The following MEMO1 variants were observed in gnomAD, a reference collection of about 807,000 sequenced individuals.
MEMO1 encodes mediator of cell motility 1.
Under a neutral mutation model 45.2 loss-of-function variants are expected in MEMO1, and 6 were observed. The ratio of observed to expected loss-of-function variants is 0.13; its 90% CI spans 0.07 to 0.26. The LOEUF (loss-of-function observed/expected upper bound fraction) is 0.26, where lower values mean the gene tolerates loss of function less well. MEMO1 is among the 10% of genes least tolerant of loss of function. MEMO1 has a pLI of 1.00. For missense variants in MEMO1, 184 were observed against 370.5 expected, an observed-to-expected ratio of 0.50 and a Z score of 4.13; for synonymous variants, 78 against 124.3, an observed-to-expected ratio of 0.63 and a Z score of 2.48.
intron 3 of MEMO1, 52 bp from the exon 4 acceptor site, chr2:31,932,187 T>C (rs1455912177): frequency 2.0e-6 from 3 of 1,514,762 alleles, no homozygotes; most frequent in African/African-American, 2.8e-5. Context: ...AATCAAGATA[T>C]TCTAGAAAGA....
chr2:31,883,890 C>A (rs1675772258), intron 7 of MEMO1, among the ~76,000 whole-genome samples: 1 of 149,760 alleles, frequency 6.7e-6, no homozygotes. Flanking sequence ...AAGTTTTGAT[C>A]TCTATTACGG....
intron 2 of MEMO1, among the ~76,000 whole-genome samples, chr2:31,989,392 A>G (rs1297445671): frequency 6.6e-6 from 1 of 152,246 alleles, no homozygotes; most frequent in Non-Finnish European, 1.5e-5. Context: ...ACTTTTCTAA[A>G]GAGAATGGTG....
chr2:31,993,141 C>T (rs777046135), intron 2 of MEMO1, among the ~76,000 whole-genome samples: 1 of 152,098 alleles, frequency 6.6e-6, no homozygotes, highest in African/African-American at 2.4e-5. Context: ...CCACCGCATT[C>T]CAGCCTGGGC....
rs192147822 is a variant in MEMO1, at chr2:32,000,520, G to A, written c.61+9667C>T. On this transcript the variant is annotated intron_variant, in intron 2 of 9. Coordinates refer to ENST00000404530, the MANE Select transcript of MEMO1 (RefSeq NM_001301833.4). ...GCTGGGATTACAGGCGTGAGCCACC[G>A]TGCCCGGCCAATTTTTTGTATTTTT... Among the ~76,000 whole-genome samples, 476 of 151,770 alleles carry A rather than the reference G, an allele frequency of 3.1e-3. 1 individual carries two copies. Among genetic ancestry groups the A allele is most frequent in the African/African-American group, 0.01 (434 of 41,384 alleles).
intron 4 of MEMO1, 113 bp from the exon 5 acceptor site, chr2:31,921,023 C>A: frequency 1.5e-6 from 1 of 684,252 alleles, no homozygotes; most frequent in Non-Finnish European, 2.4e-6. Flanking sequence ...TCTTAATTAC[C>A]AACTGTTAAT....
At chr2:31,989,786 G>A (rs183581788) in intron 2 of MEMO1, among the ~76,000 whole-genome samples, 4 of 152,218 alleles carry the variant, frequency 2.6e-5, no homozygotes, top group East Asian at 1.9e-4. Flanking sequence ...TCAGTATAGC[G>A]TTAAATATGG....
At chr2:31,876,467 TA>T (rs1158177752) in intron 8 of MEMO1, among the ~76,000 whole-genome samples, 1 of 152,176 alleles carries the variant, frequency 6.6e-6, no homozygotes, top group African/African-American at 2.4e-5. Flanking sequence ...CCTTACCTTT[TA>T]AAATTAACAC....
intron 4 of MEMO1, among the ~76,000 whole-genome samples, chr2:31,930,300 A>G (rs1440421049): frequency 1.3e-5 from 2 of 152,144 alleles, no homozygotes; most frequent in Non-Finnish European, 2.9e-5. Flanking sequence ...AAATAATTCG[A>G]TCACATCAGC....
chr2:31,994,872 C>G (rs764207884), intron 2 of MEMO1, among the ~76,000 whole-genome samples: 1 of 151,498 alleles, frequency 6.6e-6, no homozygotes, highest in East Asian at 2.0e-4. Context: ...CAATTGAGCC[C>G]TGGAGGTCGA....
In MEMO1 at chr2:31,932,040, G is replaced by T; in HGVS notation, c.212+27C>A. 1.9e-6 allele frequency: 3 copies of T among 1,593,330 alleles called. No homozygotes were observed. The highest frequency in any genetic ancestry group is 2.0e-4 in the Middle Eastern group (1 of 5,126). ...AAGCAATAAATTCTCAAGCTTCTCC[G>T]ACTTAAAACAAAACTACATTACTTA... On this transcript the variant is annotated intron_variant, in intron 4 of 9. Transcript: ENST00000404530.
In MEMO1 at chr2:31,924,739, T is replaced by C. The variant is rs149949015; in HGVS notation, c.213-3829A>G. Among the ~76,000 whole-genome samples, 4 of 152,320 alleles carry C rather than the reference T, an allele frequency of 2.6e-5. No homozygotes were observed. In the East Asian group the frequency reaches 7.7e-4, roughly 29 times the overall value. ...GTCATCTGGCCCCAAAAAGCATTCC[T>C]TTTTGCTCTCTTTTTCTGTCCTGCA... On this transcript the variant is annotated intron_variant, in intron 4 of 9. Coordinates refer to ENST00000404530, the MANE Select transcript of MEMO1 (RefSeq NM_001301833.4).
chr2:31,986,716 TA>T (rs1049172592), intron 2 of MEMO1, among the ~76,000 whole-genome samples: 16 of 152,160 alleles, frequency 1.1e-4, no homozygotes, highest in Non-Finnish European at 2.1e-4. Context: ...AGGCAGACAG[TA>T]AGTAACAACT....
chr2:31,989,815 A>G (rs1238521599), intron 2 of MEMO1, among the ~76,000 whole-genome samples: 1 of 152,186 alleles, frequency 6.6e-6, no homozygotes, highest in East Asian at 1.9e-4. Context: ...AAGTATCTGG[A>G]AAGTCTATTA....
At chr2:31,938,477 T>C (rs1233330478) in intron 3 of MEMO1, among the ~76,000 whole-genome samples, 1 of 151,758 alleles carries the variant, frequency 6.6e-6, no homozygotes, top group Non-Finnish European at 1.5e-5. Flanking sequence ...AAACCACGTC[T>C]CTACTAAAAA....
intron 2 of MEMO1, among the ~76,000 whole-genome samples, chr2:31,984,207 T>G (rs1670998702): frequency 6.6e-6 from 1 of 152,184 alleles, no homozygotes; most frequent in Non-Finnish European, 1.5e-5. Flanking sequence ...ACTTACTACC[T>G]TAACCAAACG....
At chr2:31,884,254 TTTC>T (rs1157056854) in intron 7 of MEMO1, among the ~76,000 whole-genome samples, 2 of 152,114 alleles carry the variant, frequency 1.3e-5, no homozygotes, top group Non-Finnish European at 2.9e-5. Context: ...AGTTAAAAAT[TTTC>T]TTAACTAATT....
intron 2 of MEMO1, among the ~76,000 whole-genome samples, chr2:31,971,191 A>G (rs901182562): frequency 6.6e-6 from 1 of 152,202 alleles, no homozygotes; most frequent in African/African-American, 2.4e-5. Context: ...TAAAGATTGT[A>G]GGCCCTCTTT....
chr2:31,891,945 C>A, intron 7 of MEMO1, 47 bp downstream of exon 7: 5 of 1,526,048 alleles, frequency 3.3e-6, no homozygotes, highest in South Asian at 2.5e-5. Context: ...TACCTTTAAC[C>A]AGAAGTATAT....
intron 2 of MEMO1, among the ~76,000 whole-genome samples, chr2:31,986,903 G>C (rs1671327141): frequency 2.0e-5 from 3 of 152,208 alleles, no homozygotes; most frequent in African/African-American, 7.2e-5. Flanking sequence ...CAAGAAAAGA[G>C]CTGGGGAAAG....
Sources: allele counts gnomAD v4.1 joint callset (sites outside exome capture counted in the v4.1 genomes callset), GRCh38; gene constraint gnomAD v4.1.1; transcripts MANE v1.5; gene names NCBI Gene and HGNC (gene_info 2026-07-23, HGNC 2026-07-21).